The following GARRE1 variants were observed in gnomAD, a reference collection of about 807,000 sequenced individuals.
GARRE1 encodes the protein granule associated Rac and RHOG effector protein 1.
GARRE1 carries 49 observed loss-of-function variants against 103.2 expected under a neutral mutation model. The ratio of observed to expected loss-of-function variants is 0.47; its 90% confidence interval spans 0.38 to 0.60. The LOEUF is 0.60. Among genes scored for constraint, GARRE1 ranks in the 20% least tolerant of loss-of-function variants. GARRE1 has a pLI of 0.00. For synonymous variants in GARRE1, 505 were observed against 532.8 expected, an observed-to-expected ratio of 0.95 and a Z score of 0.72; for missense variants, 1,199 against 1,370.5, an observed-to-expected ratio of 0.87 and a Z score of 1.98.
intron 1 of GARRE1, among the ~76,000 whole-genome samples, chr19:34,264,900 T>C (rs1236681496): frequency 1.3e-5 from 2 of 152,192 alleles, no homozygotes; most frequent in East Asian, 3.8e-4. Flanking sequence ...CAGTGAGTGT[T>C]CTTGACGCAG....
At chr19:34,290,706 C>T (rs1320224187) in intron 1 of GARRE1, among the ~76,000 whole-genome samples, 1 of 151,816 alleles carries the variant, frequency 6.6e-6, no homozygotes, top group Non-Finnish European at 1.5e-5. Flanking sequence ...CCGGGCTGGT[C>T]TTGAACTCCT....
chr19:34,302,281 C>T (rs1172839798), intron 2 of GARRE1, among the ~76,000 whole-genome samples: 5 of 141,956 alleles, frequency 3.5e-5, no homozygotes, highest in African/African-American at 1.0e-4. Context: ...CAGGAGCCAC[C>T]GCGCCCAGCC....
chr19:34,345,985 G>GA (rs1333550897), intron 10 of GARRE1, among the ~76,000 whole-genome samples: 1 of 152,112 alleles, frequency 6.6e-6, no homozygotes, highest in Non-Finnish European at 1.5e-5. Context: ...ACCTTGCCCC[G>GA]AGGGCATAAG....
At chr19:34,280,572 G>GT (rs1001604901) in intron 1 of GARRE1, among the ~76,000 whole-genome samples, 1 of 152,080 alleles carries the variant, frequency 6.6e-6, no homozygotes, top group Admixed American at 6.6e-5. Flanking sequence ...CAGTTTATCT[G>GT]TTTTTTGTTG....
At chr19:34,267,641 T>C (rs1043443578) in intron 1 of GARRE1, among the ~76,000 whole-genome samples, 7 of 152,200 alleles carry the variant, frequency 4.6e-5, no homozygotes, top group Non-Finnish European at 8.8e-5. Context: ...AAAACTTTTT[T>C]TTGGATACCT....
At position 34,333,691 on chromosome 19, in the gene GARRE1, T is replaced by TTTTTTTTTTG; in HGVS notation, c.1264-10_1264-9insTTTTTTGTTT. ...GGTTGTTATTTGTTTTTTTTTTTTT[T>TTTTTTTTTTG]TTTCGATCTTAGGTGGTGGTTGACA... On this transcript the variant is annotated splice_polypyrimidine_tract_variant and intron_variant, in intron 7 of 13. Coordinates refer to ENST00000299505, the MANE Select transcript of GARRE1 (RefSeq NM_014686.5). The TTTTTTTTTTG allele has an allele frequency of 7.2e-7, 1 of 1,394,200 alleles. No homozygotes were observed. Among genetic ancestry groups the TTTTTTTTTTG allele is most frequent in the South Asian group, 1.2e-5 (1 of 80,338 alleles). 86.4% of individuals were successfully genotyped at this position (1,394,200 alleles called of 1,614,324 possible).
At chr19:34,271,693 C>A (rs892274700) in intron 1 of GARRE1, among the ~76,000 whole-genome samples, 13 of 151,958 alleles carry the variant, frequency 8.6e-5, no homozygotes, top group Admixed American at 2.0e-4. Flanking sequence ...GACCCCATCT[C>A]TACAAAAAAT....
chr19:34,327,252 G>A (rs992373301), intron 3 of GARRE1, among the ~76,000 whole-genome samples, 169 bp from the exon 4 acceptor site: 1 of 151,964 alleles, frequency 6.6e-6, no homozygotes, highest in Admixed American at 6.6e-5. Context: ...TCAAAATTTG[G>A]GCTGCTCACT....
rs772181804 is a variant in GARRE1, at chr19:34,320,132, G to A, written c.705+16G>A. 1.9e-6 allele frequency: 3 copies of A among 1,609,840 alleles called. No individual in the cohort carries two copies. Among genetic ancestry groups the A allele is most frequent in the African/African-American group, 1.3e-5 (1 of 74,986 alleles). ...GGCTGCTGAGGTAACCCTGGCTTTG[G>A]GGAGATTGGTGCCTGTGTTCAAATA... On this transcript the variant is annotated intron_variant, in intron 3 of 13. Coordinates refer to ENST00000299505, the MANE Select transcript of GARRE1 (RefSeq NM_014686.5).
At chr19:34,343,177 G>A (rs921705024) in intron 10 of GARRE1, among the ~76,000 whole-genome samples, 3 of 152,188 alleles carry the variant, frequency 2.0e-5, no homozygotes, top group Admixed American at 1.3e-4. Context: ...CATTAAAAGC[G>A]CTTTAGTGGC....
At chr19:34,282,803 A>T (rs1194676716) in intron 1 of GARRE1, among the ~76,000 whole-genome samples, 1 of 152,182 alleles carries the variant, frequency 6.6e-6, no homozygotes, top group African/African-American at 2.4e-5. Flanking sequence ...AAAGCTGGGC[A>T]TTTATCCAGC....
chr19:34,292,197 T>C (rs926318258), intron 1 of GARRE1, among the ~76,000 whole-genome samples: 1 of 151,868 alleles, frequency 6.6e-6, no homozygotes, highest in Non-Finnish European at 1.5e-5. Context: ...TTGCCTATTC[T>C]AGACATTTCA....
At chr19:34,288,835 A>G (rs1416141516) in intron 1 of GARRE1, among the ~76,000 whole-genome samples, 1 of 152,220 alleles carries the variant, frequency 6.6e-6, no homozygotes, top group Non-Finnish European at 1.5e-5. Flanking sequence ...ATTTTTGTGA[A>G]CAAGAAGTAA....
At chr19:34,274,400 C>T (rs968781501) in intron 1 of GARRE1, among the ~76,000 whole-genome samples, 7 of 151,728 alleles carry the variant, frequency 4.6e-5, no homozygotes, top group South Asian at 2.1e-4. Context: ...AGCGAAACTC[C>T]GTCTCAAGAA....
chr19:34,353,094 G>A lies in GARRE1; in HGVS notation c.*139G>A, dbSNP rs2074249612. ...CCCCATCCCAGGGAGGGTTCCTTGG[G>A]GACAAGGGTGGTTGGCAGCTCCAAG... On this transcript the variant is annotated 3_prime_UTR_variant, in exon 14 of 14. Coordinates refer to ENST00000299505, the MANE Select transcript of GARRE1 (RefSeq NM_014686.5). 1.3e-6 allele frequency: 1 copy of A among 789,344 alleles called. No homozygotes were observed. Among genetic ancestry groups the A allele is most frequent in the South Asian group, 1.9e-5 (1 of 52,110 alleles). 48.9% of individuals were successfully genotyped at this position (789,344 alleles called of 1,614,324 possible).
At position 34,353,344 on chromosome 19, in the gene GARRE1, C is replaced by G. The variant is rs898003124; in HGVS notation, c.*389C>G. On this transcript the variant is annotated 3_prime_UTR_variant, in exon 14 of 14. Transcript: ENST00000299505. ...TCAGGCCTGAAAGCTGAGGGCATAA[C>G]TGACCATTTTTTGGAAACCCTCTCC... 7.7e-5 allele frequency: 18 copies of G among 232,624 alleles called. No individual in the cohort carries two copies. The highest frequency in any genetic ancestry group is 1.4e-4 in the Non-Finnish European group (17 of 119,700). 14.4% of individuals were successfully genotyped at this position (232,624 alleles called of 1,614,324 possible). A position where few individuals can be genotyped will look rare whatever the true frequency, so the allele number is the denominator to read the frequency against.
rs561922788 is a variant in GARRE1, at chr19:34,285,458, AC to A, written c.-795-14220del. Among the ~76,000 whole-genome samples the A allele has an allele frequency of 2.0e-5, 3 of 152,054 alleles. No individual in the cohort carries two copies. The South Asian group carries it at 6.2e-4, about 31-fold the overall frequency. ...GCCAACGTGGTGACACCCTGTCTCT[AC>A]TAAGAATACAAAAATTAATCAGGCG... On this transcript the variant is annotated intron_variant, in intron 1 of 13. Coordinates refer to ENST00000299505, the MANE Select transcript of GARRE1 (RefSeq NM_014686.5).
chr19:34,302,454 G>A (rs865943649), intron 2 of GARRE1, among the ~76,000 whole-genome samples: 2 of 150,842 alleles, frequency 1.3e-5, no homozygotes, highest in Non-Finnish European at 3.0e-5. Flanking sequence ...CACCACACCC[G>A]GCTAACTTTT....
intron 3 of GARRE1, among the ~76,000 whole-genome samples, chr19:34,323,585 G>C (rs2145263685): frequency 6.6e-6 from 1 of 152,264 alleles, no homozygotes; most frequent in South Asian, 2.1e-4. Flanking sequence ...GTGTGTGGGG[G>C]TGGGACCTGT....
Sources: allele counts gnomAD v4.1 joint callset (sites outside exome capture counted in the v4.1 genomes callset), GRCh38; gene constraint gnomAD v4.1.1; transcripts MANE v1.5; gene names NCBI Gene and HGNC (gene_info 2026-07-23, HGNC 2026-07-21).